The following JAM3 variants were observed in gnomAD, a reference collection of about 807,000 sequenced individuals.
The protein encoded by JAM3 is junctional adhesion molecule 3.
JAM3 carries 31 observed loss-of-function variants against 39.4 expected under a neutral mutation model. The observed-to-expected ratio is 0.79, with a 90% CI of 0.59 to 1.06. JAM3 has a LOEUF of 1.06. Among genes scored for constraint, JAM3 ranks in the 50% least tolerant of loss-of-function variants. JAM3 has a pLI of 0.00. For missense variants in JAM3, 455 were observed against 391.4 expected (o/e 1.16, Z -1.37); for synonymous variants, 182 against 148.7 (o/e 1.22, Z -1.63).
chr11:134,113,340 C>G (rs568890412), intron 1 of JAM3, among the ~76,000 whole-genome samples: 2 of 152,216 alleles, frequency 1.3e-5, no homozygotes, highest in South Asian at 2.1e-4. Flanking sequence ...TAACCCTCCC[C>G]GCTTCCCCTA....
At chr11:134,138,266 C>T (rs1449858032) in intron 1 of JAM3, among the ~76,000 whole-genome samples, 1 of 105,438 alleles carries the variant, frequency 9.5e-6, no homozygotes, top group South Asian at 2.5e-4. Context: ...AGTCGTGGTG[C>T]TCATACTGGA....
In JAM3 at chr11:134,149,229, C is replaced by G. The variant is rs750803475; in HGVS notation, c.*48C>G. Reference sequence around the variant, plus strand: ...GCACAGAGCGCACGTGCACATACCTCTGCTAGAAACTCCTGTCAAGGCAGC... The same window carrying G: ...GCACAGAGCGCACGTGCACATACCTGTGCTAGAAACTCCTGTCAAGGCAGC... On this transcript the variant is annotated 3_prime_UTR_variant, in exon 9 of 9. Transcript: ENST00000299106. The G allele has an allele frequency of 1.9e-6, 3 of 1,610,156 alleles. No individual in the cohort carries two copies. Among genetic ancestry groups the G allele is most frequent in the Admixed American group, 3.3e-5 (2 of 59,992 alleles).
intron 1 of JAM3, among the ~76,000 whole-genome samples, chr11:134,120,594 C>T (rs1942512477): frequency 6.6e-6 from 1 of 152,206 alleles, no homozygotes. Context: ...CCTCCCGTCT[C>T]CCAGTGCCCC....
At chr11:134,070,048 G>T (rs938773805) in intron 1 of JAM3, 1 of 405,670 alleles carries the variant, frequency 2.5e-6, no homozygotes, top group South Asian at 1.9e-5. Flanking sequence ...CTGGACAGTT[G>T]TACAGAGGAC....
intron 8 of JAM3, 42 bp from the exon 9 acceptor site, chr11:134,149,104 A>C (rs753185927): frequency 2.5e-6 from 4 of 1,613,408 alleles, no homozygotes; most frequent in Non-Finnish European, 3.4e-6. Context: ...CCTGCTTGCC[A>C]CCAGGCCCCT....
At chr11:134,083,064 G>A (rs182823872) in intron 1 of JAM3, among the ~76,000 whole-genome samples, 1 of 152,268 alleles carries the variant, frequency 6.6e-6, no homozygotes, top group Non-Finnish European at 1.5e-5. Context: ...TCCAGCTTAA[G>A]TTACTCTCTA....
At position 134,125,422 on chromosome 11, in the gene JAM3, C is replaced by T. The variant is rs1002855261; in HGVS notation, c.77-14429C>T. 5.9e-5 allele frequency among the ~76,000 whole-genome samples: 9 copies of T among 152,334 alleles called. No homozygotes were observed. The East Asian group carries it at 1.2e-3, about 20-fold the overall frequency. ...TCTGATTCATGTTTTCCTTTTCGTA[C>T]AGATCCTCTTCCCACTTTATTTGTT... On this transcript the variant is annotated intron_variant, in intron 1 of 8. Coordinates refer to ENST00000299106, the MANE Select transcript of JAM3 (RefSeq NM_032801.5).
chr11:134,148,315 C>T (rs1943116858), intron 6 of JAM3: 3 of 582,512 alleles, frequency 5.2e-6, no homozygotes, highest in Admixed American at 5.9e-5. Flanking sequence ...AGTGCGACTG[C>T]ATTTCAACTG....
rs575251288 is a variant in JAM3 at position 134,131,662 on chromosome 11, A to G, written c.77-8189A>G. On this transcript the variant is annotated intron_variant, in intron 1 of 8. Coordinates refer to ENST00000299106, the MANE Select transcript of JAM3 (RefSeq NM_032801.5). ...AGACTATTTGTTTAAAATATGCACAAACACCTAAGGGGAGAACATGGACAA... is the reference window on the plus strand; with the variant it reads ...AGACTATTTGTTTAAAATATGCACAGACACCTAAGGGGAGAACATGGACAA... Among the ~76,000 whole-genome samples, 7 of 152,360 alleles carry G rather than the reference A, an allele frequency of 4.6e-5. No homozygotes were observed. The South Asian group carries it at 1.4e-3, about 32-fold the overall frequency.
intron 1 of JAM3, among the ~76,000 whole-genome samples, chr11:134,123,413 C>T (rs1942575654): frequency 6.6e-6 from 1 of 152,028 alleles, no homozygotes. Flanking sequence ...AAGATCCCAC[C>T]ACAGGGAGAT....
intron 1 of JAM3, among the ~76,000 whole-genome samples, chr11:134,094,059 C>T (rs1410486108): frequency 7.3e-5 from 9 of 123,338 alleles, no homozygotes; most frequent in Non-Finnish European, 1.4e-4. Flanking sequence ...TTCTCCTGAA[C>T]CCTCCTTATT....
intron 1 of JAM3, among the ~76,000 whole-genome samples, chr11:134,087,974 G>T (rs1295084881): frequency 6.6e-6 from 1 of 152,152 alleles, no homozygotes; most frequent in Non-Finnish European, 1.5e-5. Flanking sequence ...CCCAGTTATG[G>T]CAGCCAAAGA....
intron 1 of JAM3, chr11:134,124,302 A>C: frequency 1.2e-6 from 1 of 842,622 alleles, no homozygotes; most frequent in Non-Finnish European, 2.1e-6. Context: ...CTCACAGGAA[A>C]TCTCCACAGG....
In JAM3 at chr11:134,149,937, T is replaced by C. The variant is rs1263535592; in HGVS notation, c.*756T>C. 1 of 175,530 alleles carries C rather than the reference T, an allele frequency of 5.7e-6. No homozygotes were observed. 10.9% of individuals were successfully genotyped at this position (175,530 alleles called of 1,614,324 possible). ...TTTATAAAATTTTACATCTAAATTT[T>C]TGCTAAGGATGTATTTTGATTATTG... On this transcript the variant is annotated 3_prime_UTR_variant, in exon 9 of 9. Coordinates refer to ENST00000299106, the MANE Select transcript of JAM3 (RefSeq NM_032801.5).
intron 1 of JAM3, among the ~76,000 whole-genome samples, chr11:134,129,759 T>C (rs1011803962): frequency 1.3e-5 from 2 of 152,194 alleles, no homozygotes; most frequent in South Asian, 4.1e-4. Context: ...CCTAACACTT[T>C]GGGAGGCCGA....
At chr11:134,089,193 C>G (rs1160245457) in intron 1 of JAM3, among the ~76,000 whole-genome samples, 1 of 152,154 alleles carries the variant, frequency 6.6e-6, no homozygotes, top group African/African-American at 2.4e-5. Context: ...TATATACTTT[C>G]CAGTTCGTGG....
At chr11:134,111,783 T>A (rs73600708) in intron 1 of JAM3, among the ~76,000 whole-genome samples, 2,590 of 152,308 alleles carry the variant, frequency 0.017, 65 homozygotes, top group African/African-American at 0.055. Flanking sequence ...GAATCTCCAT[T>A]TTCTTTTAGA....
At chr11:134,134,503 C>G (rs1407938147) in intron 1 of JAM3, among the ~76,000 whole-genome samples, 1 of 150,674 alleles carries the variant, frequency 6.6e-6, no homozygotes, top group Non-Finnish European at 1.5e-5. Flanking sequence ...AGTACCTTAG[C>G]TATAAAGGAG....
At chr11:134,146,704 A>AT (rs368825484) in intron 6 of JAM3, among the ~76,000 whole-genome samples, 18 of 152,268 alleles carry the variant, frequency 1.2e-4, no homozygotes, top group African/African-American at 3.1e-4. Flanking sequence ...AGTAGCTGGA[A>AT]CAACAGGCAC....
Sources: allele counts gnomAD v4.1 joint callset (sites outside exome capture counted in the v4.1 genomes callset), GRCh38; gene constraint gnomAD v4.1.1; transcripts MANE v1.5; gene names NCBI Gene and HGNC (gene_info 2026-07-23, HGNC 2026-07-21).